The following TAFA4 variants were observed in gnomAD, a reference collection of about 807,000 sequenced individuals.
TAFA4 encodes TAFA chemokine like family member 4.
In TAFA4, 20 loss-of-function variants were observed where a neutral mutation model predicts 21.1. That is an observed-to-expected ratio of 0.95 (90% confidence interval 0.67 to 1.38). The LOEUF is 1.38. Ranked by LOEUF, TAFA4 falls within the 40% of genes most tolerant of loss-of-function variation. The pLI is 0.00. For missense variants in TAFA4, 211 were observed against 180.9 expected, an observed-to-expected ratio of 1.17 and a Z score of -0.95; for synonymous variants, 71 against 67.4, an observed-to-expected ratio of 1.05 and a Z score of -0.26.
At chr3:68,842,979 G>T (rs1165840448) in intron 3 of TAFA4, among the ~76,000 whole-genome samples, 1 of 152,142 alleles carries the variant, frequency 6.6e-6, no homozygotes, top group Non-Finnish European at 1.5e-5. Flanking sequence ...GATGCCTCCA[G>T]CTTCGTTCTT....
intron 3 of TAFA4, among the ~76,000 whole-genome samples, chr3:68,880,112 G>C (rs1004430031): frequency 6.7e-6 from 1 of 150,188 alleles, no homozygotes; most frequent in Non-Finnish European, 1.5e-5. Flanking sequence ...TGATGGTTTT[G>C]ATCTCGCCTT....
At position 68,844,456 on chromosome 3, in the gene TAFA4, TA is replaced by T. The variant is rs369995023; in HGVS notation, c.130+36273del. Among the ~76,000 whole-genome samples, 698 of 149,014 alleles carry T rather than the reference TA, an allele frequency of 4.7e-3. 7 individuals carry two copies. The highest frequency in any genetic ancestry group is 0.016 in the African/African-American group (654 of 40,660). ...GTAGTCTATCTATTTTGTTAATCTT[TA>T]AAAAAAAAACAGCTCCTGGATTCAC... On this transcript the variant is annotated intron_variant, in intron 3 of 5. Coordinates refer to ENST00000295569, the MANE Select transcript of TAFA4 (RefSeq NM_182522.5).
chr3:68,800,000 G>A (rs1451496186), intron 3 of TAFA4, among the ~76,000 whole-genome samples: 2 of 152,084 alleles, frequency 1.3e-5, no homozygotes, highest in East Asian at 1.9e-4. Context: ...CGCTCCTTAT[G>A]AGAATCTAAT....
At chr3:68,889,101 C>T (rs35166647) in intron 1 of TAFA4, among the ~76,000 whole-genome samples, 3,423 of 152,246 alleles carry the variant, frequency 0.022, 99 homozygotes, top group East Asian at 0.1. Context: ...TAAAGAGTCT[C>T]AGTGTTTTCA....
chr3:68,898,116 G>A (rs1402424835), intron 1 of TAFA4, among the ~76,000 whole-genome samples: 2 of 152,168 alleles, frequency 1.3e-5, no homozygotes. Context: ...GTGAAAAAGG[G>A]GTGAGATGGG....
At chr3:68,829,142 C>A (rs1161017962) in intron 3 of TAFA4, among the ~76,000 whole-genome samples, 1 of 152,162 alleles carries the variant, frequency 6.6e-6, no homozygotes, top group Non-Finnish European at 1.5e-5. Context: ...TACCTGACTT[C>A]AAACTATACT....
chr3:68,887,623 G>C (rs1418891706), intron 1 of TAFA4, among the ~76,000 whole-genome samples: 1 of 152,116 alleles, frequency 6.6e-6, no homozygotes, highest in East Asian at 1.9e-4. Flanking sequence ...ACTTCCACAG[G>C]ATCAGTACCA....
At chr3:68,787,230 A>G (rs1405728928) in intron 3 of TAFA4, among the ~76,000 whole-genome samples, 2 of 152,146 alleles carry the variant, frequency 1.3e-5, no homozygotes, top group Admixed American at 1.3e-4. Flanking sequence ...AAACAGAAAA[A>G]CAACCAGACC....
At chr3:68,831,100 T>TCTCC (rs1435186423) in intron 3 of TAFA4, among the ~76,000 whole-genome samples, 1 of 152,230 alleles carries the variant, frequency 6.6e-6, no homozygotes, top group Non-Finnish European at 1.5e-5. Context: ...ATGAGATTGG[T>TCTCC]CTCCTGAATA....
intron 2 of TAFA4, among the ~76,000 whole-genome samples, chr3:68,884,859 A>T (rs996177397): frequency 6.6e-6 from 1 of 152,238 alleles, no homozygotes; most frequent in Admixed American, 6.5e-5. Flanking sequence ...TCACTTAACA[A>T]TAGCTCAACA....
chr3:68,784,382 C>G (rs370615200), intron 3 of TAFA4, among the ~76,000 whole-genome samples: 79 of 151,712 alleles, frequency 5.2e-4, no homozygotes, highest in African/African-American at 1.7e-3. Context: ...GGAGTTTGTT[C>G]CTTCTGATGT....
At chr3:68,736,393 A>AATT (rs1553713769) in intron 5 of TAFA4, among the ~76,000 whole-genome samples, 2 of 152,162 alleles carry the variant, frequency 1.3e-5, no homozygotes, top group Non-Finnish European at 2.9e-5. Flanking sequence ...ATACCTGGAA[A>AATT]AGATAACTAG....
intron 3 of TAFA4, among the ~76,000 whole-genome samples, chr3:68,824,834 C>T (rs10470577): frequency 0.36 from 55,398 of 152,024 alleles, 10,312 homozygotes; most frequent in African/African-American, 0.38. Context: ...CTGACTCTAA[C>T]GGCAGCTACT....
At chr3:68,866,839 C>A (rs182923075) in intron 3 of TAFA4, among the ~76,000 whole-genome samples, 135 of 151,488 alleles carry the variant, frequency 8.9e-4, no homozygotes, top group Non-Finnish European at 1.5e-3. Context: ...AGTCTGTGAG[C>A]TCAAAAGCAG....
intron 4 of TAFA4, among the ~76,000 whole-genome samples, chr3:68,751,783 G>A (rs924281928): frequency 2.0e-5 from 3 of 152,288 alleles, no homozygotes; most frequent in South Asian, 2.1e-4. Context: ...ATTATGGGGT[G>A]CAAGTGGAGA....
chr3:68,857,851 G>A (rs1466584590), intron 3 of TAFA4, among the ~76,000 whole-genome samples: 1 of 151,808 alleles, frequency 6.6e-6, no homozygotes. Flanking sequence ...GAAAAGAAGA[G>A]GTGGGAGAGA....
chr3:68,817,092 CATCTT>C (rs1021469930), intron 3 of TAFA4, among the ~76,000 whole-genome samples: 5 of 152,168 alleles, frequency 3.3e-5, no homozygotes, highest in Admixed American at 2.6e-4. Flanking sequence ...TGTTTGAAAA[CATCTT>C]ATCCACAGAA....
chr3:68,871,336 GTC>G (rs940182883), intron 3 of TAFA4, among the ~76,000 whole-genome samples: 2 of 151,964 alleles, frequency 1.3e-5, no homozygotes, highest in African/African-American at 4.8e-5. Flanking sequence ...GGAAAGGACA[GTC>G]TCTTCAAAAA....
At chr3:68,877,069 T>C (rs936609964) in intron 3 of TAFA4, among the ~76,000 whole-genome samples, 7 of 152,114 alleles carry the variant, frequency 4.6e-5, no homozygotes, top group Non-Finnish European at 4.4e-5. Flanking sequence ...ATAAAATCTT[T>C]TGTCTCGGGC....
Sources: allele counts gnomAD v4.1 joint callset (sites outside exome capture counted in the v4.1 genomes callset), GRCh38; gene constraint gnomAD v4.1.1; transcripts MANE v1.5; gene names NCBI Gene and HGNC (gene_info 2026-07-23, HGNC 2026-07-21).